The following NELFB variants were observed in gnomAD, a reference collection of about 807,000 sequenced individuals.
The protein encoded by NELFB is negative elongation factor complex member B, also known as negative elongation factor B.
Under a neutral mutation model 60.2 loss-of-function variants are expected in NELFB, and 34 were observed. That is an observed-to-expected ratio of 0.56 (90% CI 0.43 to 0.75). The LOEUF is 0.75. NELFB is among the 30% of genes least tolerant of loss of function. The pLI, the probability that NELFB is intolerant of heterozygous loss-of-function variation, is 0.00. For missense variants in NELFB, 770 were observed against 831.6 expected (o/e 0.93, Z 0.91); for synonymous variants, 459 against 382.1 (o/e 1.20, Z -2.35).
At position 137,269,019 on chromosome 9, in the gene NELFB, C is replaced by T. The variant is rs1456983359; in HGVS notation, c.1489+1673C>T. Among the ~76,000 whole-genome samples the T allele has an allele frequency of 6.6e-6, 1 of 152,056 alleles. No individual in the cohort carries two copies. The highest frequency in any genetic ancestry group is 1.5e-5 in the Non-Finnish European group (1 of 68,034). ...CGAGAACGCTTTGGTGAGGACGGAG[C>T]CCTCACGACCTCAGCAGTGTTGCGT... On this transcript the variant is annotated intron_variant, in intron 10 of 12. Transcript: ENST00000343053. This position sits in a 1 kb window ranked among gnomAD's most constrained non-coding sequence, Gnocchi z 5.3.
intron 10 of NELFB, among the ~76,000 whole-genome samples, chr9:137,271,209 T>G (rs188091487): frequency 7.9e-5 from 12 of 152,386 alleles, no homozygotes; most frequent in Non-Finnish European, 1.8e-4. Context: ...CGTGGCCACC[T>G]GGCCATGTGG....
At chr9:137,258,808 G>C (rs944188487) in intron 4 of NELFB, among the ~76,000 whole-genome samples, 4 of 152,048 alleles carry the variant, frequency 2.6e-5, no homozygotes, top group African/African-American at 9.7e-5. Flanking sequence ...TATAAGTTAA[G>C]ATTTTTCAGC....
intron 10 of NELFB, among the ~76,000 whole-genome samples, chr9:137,267,745 G>A (rs1830538550): frequency 6.6e-6 from 1 of 152,156 alleles, no homozygotes; most frequent in African/African-American, 2.4e-5. Flanking sequence ...GCCCGCCTCG[G>A]CCTCCCAAAG....
chr9:137,256,347 C>A lies in NELFB; in HGVS notation c.429C>A (p.Asp143Glu), dbSNP rs948936392. 6.2e-7 allele frequency: 1 copy of A among 1,614,044 alleles called. No individual in the cohort carries two copies. Among genetic ancestry groups the A allele is most frequent in the Non-Finnish European group, 8.5e-7 (1 of 1,179,998 alleles). Residue 143 changes from aspartate (D) to glutamate (E), a missense_variant, in exon 3 of 13, where the codon GAC becomes GAA. Asp to Glu is a conservative substitution (Grantham distance 45). Coordinates refer to ENST00000343053, the MANE Select transcript of NELFB (RefSeq NM_015456.5). ...GTTCCAGGTACAAGAAGCTGGAAGA[C>A]CTTCTGGAGAAGAGCTTTTCTCTGG...
intron 4 of NELFB, among the ~76,000 whole-genome samples, chr9:137,259,242 C>T (rs1392129470): frequency 6.6e-6 from 1 of 152,180 alleles, no homozygotes; most frequent in Non-Finnish European, 1.5e-5. Flanking sequence ...GGGAGGATCA[C>T]TAAGATTTGA....
chr9:137,256,694 C>A, intron 3 of NELFB, 130 bp from the exon 4 acceptor site: 1 of 837,060 alleles, frequency 1.2e-6, no homozygotes, highest in Non-Finnish European at 1.9e-6. Flanking sequence ...GCCGGGGAAC[C>A]AGTCATAGGT....
chr9:137,262,133 T>C (rs1467174496), intron 4 of NELFB, among the ~76,000 whole-genome samples: 1 of 152,182 alleles, frequency 6.6e-6, no homozygotes, highest in Non-Finnish European at 1.5e-5. Context: ...GCGTGACCAC[T>C]GAAGCACAGC....
In NELFB at chr9:137,255,521, G is replaced by C. The variant is rs1837535960; in HGVS notation, c.156G>C (p.Gly52=). ...CCGGGGCCTCGGCCATGTTCGCGGG[G>C]CTGCAGGACCTGGGCGTGGCCAACG... The change falls in exon 1 of 13, where the codon GGG becomes GGC. Residue 52 remains glycine (G), a synonymous_variant. Transcript: ENST00000343053. The C allele has an allele frequency of 2.6e-6, 4 of 1,541,714 alleles. No homozygotes were observed. In the East Asian group the frequency reaches 1.0e-4, roughly 39 times the overall value.
intron 4 of NELFB, 79 bp from the exon 5 acceptor site, chr9:137,262,958 C>A: frequency 6.7e-7 from 1 of 1,496,706 alleles, no homozygotes; most frequent in South Asian, 1.2e-5. Context: ...GAGAGGGCCG[C>A]GCTGTCGCCG....
intron 2 of NELFB, 70 bp downstream of exon 2, chr9:137,256,140 C>T: frequency 4.6e-6 from 7 of 1,523,418 alleles, no homozygotes; most frequent in Non-Finnish European, 5.4e-6. Flanking sequence ...GACTCAGGGG[C>T]ATTTATTGTC....
intron 6 of NELFB, among the ~76,000 whole-genome samples, chr9:137,265,640 G>T (rs1251887791): frequency 1.6e-5 from 2 of 123,094 alleles, no homozygotes; most frequent in Non-Finnish European, 3.7e-5. Context: ...CATCCGCCTC[G>T]GCCTGCCAAA....
chr9:137,262,369 G>A (rs566453453), intron 4 of NELFB, among the ~76,000 whole-genome samples: 10 of 152,304 alleles, frequency 6.6e-5, no homozygotes, highest in Admixed American at 4.6e-4. Context: ...TGGCGTCACC[G>A]CTAGACCAAG....
rs1837556951 is a variant in NELFB, at chr9:137,256,663, A to G, written c.511-161A>G. Among the ~76,000 whole-genome samples, 4 of 152,128 alleles carry G rather than the reference A, an allele frequency of 2.6e-5. No individual in the cohort carries two copies. In the South Asian group the frequency reaches 8.3e-4, roughly 31 times the overall value. On this transcript the variant is annotated intron_variant, in intron 3 of 12. Coordinates refer to ENST00000343053, the MANE Select transcript of NELFB (RefSeq NM_015456.5). ...TGGGAAAGAGCTGTTGGTATTTAGC[A>G]TGTCTGTCTGACATGCTGGGGCCGG...
At chr9:137,267,927 C>T (rs1830539982) in intron 10 of NELFB, among the ~76,000 whole-genome samples, 1 of 152,194 alleles carries the variant, frequency 6.6e-6, no homozygotes, top group Non-Finnish European at 1.5e-5. Context: ...GCTTGGGACC[C>T]CTCAGGTGCT....
At chr9:137,258,941 C>T (rs925325260) in intron 4 of NELFB, among the ~76,000 whole-genome samples, 2 of 152,150 alleles carry the variant, frequency 1.3e-5, no homozygotes, top group Non-Finnish European at 2.9e-5. Flanking sequence ...CGGTGGCTCA[C>T]GCCTGTACTC....
chr9:137,266,046 C>A, intron 7 of NELFB, 67 bp downstream of exon 7: 2 of 1,288,624 alleles, frequency 1.6e-6, no homozygotes, highest in South Asian at 2.4e-5. Context: ...TCTGGGTGGT[C>A]AGGGTGTGGA....
rs913061152 is a variant in NELFB, at chr9:137,267,183, G to C, written c.1383-57G>C. Reference sequence around the variant, plus strand: ...TCAGGGCTGGGCAGGGGTCGGTGTGGGGCTGAGGTGGGGCTGAGGTGGGGC... The same window carrying C: ...TCAGGGCTGGGCAGGGGTCGGTGTGCGGCTGAGGTGGGGCTGAGGTGGGGC... On this transcript the variant is annotated intron_variant, in intron 9 of 12. Coordinates refer to ENST00000343053, the MANE Select transcript of NELFB (RefSeq NM_015456.5). 8.4e-4 allele frequency: 98 copies of C among 116,204 alleles called. 1 individual carries two copies. The highest frequency in any genetic ancestry group is 1.9e-4 in the Non-Finnish European group (13 of 68,834). 7.2% of individuals were successfully genotyped at this position (116,204 alleles called of 1,614,324 possible).
Position 137,272,221 on chromosome 9 carries a change from A to G in NELFB, c.1630A>G (p.Arg544Gly). The change falls in exon 11 of 13, where the codon AGG becomes GGG. Residue 544 changes from arginine (R) to glycine (G), a missense_variant and splice_region_variant. By Grantham distance (125) the Arg-to-Gly change is moderately radical. Transcript: ENST00000343053. ...TGGCTTCTTCCTCACCGCCTCTCCAAGGTAGGCCTGCTGGGTACCATCCGG... is the reference window on the plus strand; with the variant it reads ...TGGCTTCTTCCTCACCGCCTCTCCAGGGTAGGCCTGCTGGGTACCATCCGG... 6.2e-7 allele frequency: 1 copy of G among 1,614,044 alleles called. No homozygotes were observed. Among genetic ancestry groups the G allele is most frequent in the Non-Finnish European group, 8.5e-7 (1 of 1,179,992 alleles).
intron 11 of NELFB, 83 bp from the exon 12 acceptor site, chr9:137,272,424 G>T: frequency 6.8e-7 from 1 of 1,475,308 alleles, no homozygotes; most frequent in South Asian, 1.3e-5. Flanking sequence ...TGTCTCCAGG[G>T]GCCTTGGCCA....
Sources: gnomAD v4.1 joint callset for allele counts (sites outside exome capture counted in the v4.1 genomes callset) on GRCh38, gnomAD v4.1.1 for gene constraint, Gnocchi (gnomAD v3.1) non-coding constraint, MANE v1.5 for transcripts, NCBI Gene and HGNC (gene_info 2026-07-23, HGNC 2026-07-21) for gene names.